NUBPL: variants seen among roughly 807,000 people sequenced by gnomAD.
NUBPL encodes the protein iron-sulfur cluster transfer protein NUBPL.
A neutral mutation model predicts 45.7 loss-of-function variants in NUBPL; 31 were observed. That is an observed-to-expected ratio of 0.68 (90% confidence interval 0.51 to 0.92). NUBPL has a LOEUF of 0.92. Among genes scored for constraint, NUBPL ranks in the 40% least tolerant of loss-of-function variants. The pLI is 0.00. For synonymous variants in NUBPL, 144 were observed against 140.9 expected, an observed-to-expected ratio of 1.02 and a Z score of -0.15; for missense variants, 401 against 398.7, an observed-to-expected ratio of 1.01 and a Z score of -0.05.
rs573058929 is a variant in NUBPL, at chr14:31,804,089, T to C, written c.607+16216T>C. 2.0e-5 allele frequency among the ~76,000 whole-genome samples: 3 copies of C among 152,164 alleles called. No individual in the cohort carries two copies. In the South Asian group the frequency reaches 6.2e-4, roughly 32 times the overall value. ...TCTAAATTTAAGAAGAAATAAACTC[T>C]TTAGGGCTCTTGTATTTGGCTGAAC... On this transcript the variant is annotated intron_variant, in intron 7 of 10. Transcript: ENST00000281081.
At chr14:31,603,916 A>G (rs1213619841) in intron 4 of NUBPL, among the ~76,000 whole-genome samples, 2 of 152,162 alleles carry the variant, frequency 1.3e-5, no homozygotes, top group African/African-American at 4.8e-5. Context: ...TTTAAATGAT[A>G]GATTCATTAT....
At chr14:31,806,010 G>C (rs2039678603) in intron 7 of NUBPL, among the ~76,000 whole-genome samples, 1 of 151,966 alleles carries the variant, frequency 6.6e-6, no homozygotes, top group African/African-American at 2.4e-5. Context: ...ACCAATATGT[G>C]GTCAGGTTCT....
At chr14:31,856,319 A>G (rs560729930) in intron 10 of NUBPL, among the ~76,000 whole-genome samples, 69 of 152,216 alleles carry the variant, frequency 4.5e-4, no homozygotes, top group African/African-American at 1.6e-3. Context: ...CCATGATTCA[A>G]TCACCTCCCA....
chr14:31,802,740 T>C (rs985302002), intron 7 of NUBPL, among the ~76,000 whole-genome samples: 4 of 152,156 alleles, frequency 2.6e-5, no homozygotes, highest in Admixed American at 6.6e-5. Context: ...CAAAAGAAAA[T>C]GAAATAAGAC....
chr14:31,591,191 ATCAC>A (rs1363886148), intron 3 of NUBPL, among the ~76,000 whole-genome samples: 1 of 152,214 alleles, frequency 6.6e-6, no homozygotes, highest in African/African-American at 2.4e-5. Context: ...AATGTACTTT[ATCAC>A]TCTGTCACCC....
At chr14:31,619,893 A>G (rs554202479) in intron 4 of NUBPL, among the ~76,000 whole-genome samples, 1 of 151,818 alleles carries the variant, frequency 6.6e-6, no homozygotes, top group Non-Finnish European at 1.5e-5. Flanking sequence ...ACTTGGTTCC[A>G]TTTTCCCTGT....
At chr14:31,781,321 C>G (rs1168477761) in intron 6 of NUBPL, among the ~76,000 whole-genome samples, 2 of 152,192 alleles carry the variant, frequency 1.3e-5, no homozygotes, top group Non-Finnish European at 2.9e-5. Flanking sequence ...CAGGGGAATA[C>G]ATTTAGTAAC....
intron 7 of NUBPL, among the ~76,000 whole-genome samples, chr14:31,791,146 C>A (rs974080237): frequency 6.6e-6 from 1 of 151,836 alleles, no homozygotes; most frequent in Non-Finnish European, 1.5e-5. Flanking sequence ...GGAGTGGTGA[C>A]GTGCACTTGT....
chr14:31,815,898 G>T (rs1595671056), intron 7 of NUBPL, among the ~76,000 whole-genome samples: 1 of 152,180 alleles, frequency 6.6e-6, no homozygotes, highest in Non-Finnish European at 1.5e-5. Flanking sequence ...CTTGATAATG[G>T]TGGATAAGCT....
Position 31,561,515 on chromosome 14 carries a change from G to C in NUBPL, c.76G>C (p.Gly26Arg). 2 of 1,382,748 alleles carry C rather than the reference G, an allele frequency of 1.4e-6. No individual in the cohort carries two copies. The highest frequency in any genetic ancestry group is 1.9e-6 in the Non-Finnish European group (2 of 1,060,604). The allele number at this position is 1,382,748 out of a possible 1,614,324, so 85.7% of individuals were successfully genotyped here. A position where few individuals can be genotyped will look rare whatever the true frequency, so the allele number is the denominator to read the frequency against. Residue 26 changes from glycine to arginine, a missense_variant, in exon 1 of 11, where the codon GGG becomes CGG. Transcript: ENST00000281081. ...TGGTGGCGGGGCCACTGCCCCGCTT[G>C]GGGGAAGCCGAGCGATGGTTTGTGG... Reference protein sequence around the residue: ...RAGGGATAPLGGSRAMVCGRQ... With the variant: ...RAGGGATAPLRGSRAMVCGRQ...
Position 31,599,699 on chromosome 14 carries a change from CAATAT to C in NUBPL, c.382+324_382+328del, listed in dbSNP as rs578191364. 4.2e-3 allele frequency among the ~76,000 whole-genome samples: 640 copies of C among 152,008 alleles called. 1 individual carries two copies. Among genetic ancestry groups the C allele is most frequent in the Non-Finnish European group, 7.2e-3 (488 of 67,960 alleles). On this transcript the variant is annotated intron_variant, in intron 4 of 10. Coordinates refer to ENST00000281081, the MANE Select transcript of NUBPL (RefSeq NM_025152.3). The stretch of plus-strand genomic sequence containing the variant: ...TACATTTAAGAAAGATTAATAAAAA[CAATAT>C]AATTATTTACACAATTTTTAGTGAA...
At chr14:31,718,495 T>C (rs1199788383) in intron 6 of NUBPL, among the ~76,000 whole-genome samples, 2 of 152,208 alleles carry the variant, frequency 1.3e-5, no homozygotes, top group Non-Finnish European at 2.9e-5. Context: ...GAAATGTTGG[T>C]GTAAGATTAT....
intron 6 of NUBPL, among the ~76,000 whole-genome samples, chr14:31,742,423 G>A (rs2038306166): frequency 6.6e-6 from 1 of 152,128 alleles, no homozygotes; most frequent in African/African-American, 2.4e-5. Context: ...TGCAGATTCT[G>A]ATTCAGCAGG....
At chr14:31,578,796 G>A (rs2033786277) in intron 3 of NUBPL, among the ~76,000 whole-genome samples, 1 of 152,138 alleles carries the variant, frequency 6.6e-6, no homozygotes, top group African/African-American at 2.4e-5. Context: ...AAAGAGAGCG[G>A]GCAGCTTGTT....
intron 7 of NUBPL, among the ~76,000 whole-genome samples, chr14:31,801,844 G>A (rs2039596419): frequency 6.6e-6 from 1 of 152,184 alleles, no homozygotes; most frequent in South Asian, 2.1e-4. Flanking sequence ...ACAGGACACA[G>A]CTAGACAGTC....
At chr14:31,693,117 T>C (rs2037129522) in intron 6 of NUBPL, among the ~76,000 whole-genome samples, 1 of 152,218 alleles carries the variant, frequency 6.6e-6, no homozygotes. Context: ...AACAGTATTC[T>C]GTATTAGAAA....
chr14:31,674,891 C>T (rs942128238), intron 6 of NUBPL, among the ~76,000 whole-genome samples: 1 of 152,116 alleles, frequency 6.6e-6, no homozygotes, highest in African/African-American at 2.4e-5. Flanking sequence ...AATCCCAGCA[C>T]TTTGGGAGGC....
At chr14:31,823,741 A>G (rs1434994183) in intron 7 of NUBPL, among the ~76,000 whole-genome samples, 1 of 152,116 alleles carries the variant, frequency 6.6e-6, no homozygotes, top group Non-Finnish European at 1.5e-5. Flanking sequence ...TATTTGTTTG[A>G]AGTTAGTTAT....
intron 4 of NUBPL, among the ~76,000 whole-genome samples, chr14:31,661,325 A>G (rs1481488895): frequency 6.6e-6 from 1 of 152,232 alleles, no homozygotes; most frequent in Non-Finnish European, 1.5e-5. Context: ...TTCACAGGGC[A>G]GTGGATTCCA....
Sources: gnomAD v4.1 joint callset for allele counts (sites outside exome capture counted in the v4.1 genomes callset) on GRCh38, gnomAD v4.1.1 for gene constraint, MANE v1.5 for transcripts, NCBI Gene and HGNC (gene_info 2026-07-23, HGNC 2026-07-21) for gene names.